TNRC18: variants seen among roughly 807,000 people sequenced by gnomAD.
TNRC18 encodes the protein trinucleotide repeat-containing gene 18 protein.
Under a neutral mutation model 226.7 loss-of-function variants are expected in TNRC18, and 69 were observed. That is an observed-to-expected ratio of 0.30 (90% CI 0.25 to 0.37). The LOEUF is 0.37. Ranked by LOEUF, TNRC18 falls within the 10% of genes least tolerant of loss-of-function variation. The probability of loss-of-function intolerance (pLI) is 1.00; values close to 1 mark genes in which losing one functional copy is unlikely to be tolerated. For synonymous variants in TNRC18, 2,449 were observed against 1,927.6 expected, an observed-to-expected ratio of 1.27 and a Z score of -7.09; for missense variants, 4,754 against 4,256.6, an observed-to-expected ratio of 1.12 and a Z score of -3.25.
chr7:5,364,089 GCAGTTTTGAGAC>G (rs1188795426), intron 11 of TNRC18, among the ~76,000 whole-genome samples: 1 of 152,158 alleles, frequency 6.6e-6, no homozygotes, highest in African/African-American at 2.4e-5. Flanking sequence ...TTTGAGGTGA[GCAGTTTTGAGAC>G]CAGTCTGGCC....
At chr7:5,422,577 A>G (rs1413897190) in intron 1 of TNRC18, among the ~76,000 whole-genome samples, 1 of 152,122 alleles carries the variant, frequency 6.6e-6, no homozygotes, top group Non-Finnish European at 1.5e-5. Flanking sequence ...CTCTCTTAAG[A>G]GAAGCCGATC....
intron 18 of TNRC18, among the ~76,000 whole-genome samples, chr7:5,333,508 G>A (rs1468191950): frequency 1.3e-5 from 2 of 152,076 alleles, no homozygotes; most frequent in African/African-American, 4.8e-5. Context: ...CCCAGGAATC[G>A]TCCACTCCCA....
intron 2 of TNRC18, among the ~76,000 whole-genome samples, chr7:5,411,242 A>G (rs1186092734): frequency 1.3e-5 from 2 of 151,676 alleles, no homozygotes; most frequent in East Asian, 1.9e-4. Flanking sequence ...AAGAAAAAAG[A>G]AAAGGAAGGG....
chr7:5,345,421 G>C (rs1209643601), intron 18 of TNRC18, 141 bp downstream of exon 18: 4 of 822,600 alleles, frequency 4.9e-6, no homozygotes, highest in Non-Finnish European at 5.6e-6. Flanking sequence ...TCAGCACGGG[G>C]CTGGCCCACG....
At chr7:5,320,923 C>A in intron 22 of TNRC18, 150 bp downstream of exon 22, 1 of 655,582 alleles carries the variant, frequency 1.5e-6, no homozygotes, top group Non-Finnish European at 2.6e-6. Flanking sequence ...CAGGGCCTCC[C>A]CGTCAGCTCT....
intron 2 of TNRC18, among the ~76,000 whole-genome samples, chr7:5,416,410 G>A (rs556375792): frequency 3.3e-5 from 5 of 152,082 alleles, no homozygotes; most frequent in Non-Finnish European, 7.4e-5. Context: ...GCGAGACTCC[G>A]TCTCAAAAAA....
chr7:5,401,122 C>T (rs913186897), intron 2 of TNRC18, among the ~76,000 whole-genome samples: 3 of 151,636 alleles, frequency 2.0e-5, no homozygotes, highest in African/African-American at 4.9e-5. Flanking sequence ...GTGACTCACC[C>T]ACCATGTCTG....
chr7:5,369,920 G>A (rs1465820298), intron 11 of TNRC18, among the ~76,000 whole-genome samples: 3 of 152,100 alleles, frequency 2.0e-5, no homozygotes, highest in Non-Finnish European at 2.9e-5. Flanking sequence ...GCTCGAGATG[G>A]AACATTTTGT....
chr7:5,313,317 A>C lies in TNRC18; in HGVS notation c.7574T>G (p.Leu2525Arg). Residue 2525 changes from leucine (L) to arginine (R), a missense_variant, in exon 27 of 30, where the codon CTC becomes CGC. By Grantham distance (102) the Leu-to-Arg change is moderately radical. Coordinates refer to ENST00000430969, the MANE Select transcript of TNRC18 (RefSeq NM_001080495.3). Reference protein sequence around the residue: ...APWPKATDGDLAQEPGPGLTF... With the variant: ...APWPKATDGDRAQEPGPGLTF... The stretch of plus-strand genomic sequence containing the variant: ...GAGCCCCGGCCCGGGCTCCTGGGCG[A>C]GGTCCCCGTCGGTGGCCTTGGGCCA... 4 of 1,549,866 alleles carry C rather than the reference A, an allele frequency of 2.6e-6. No homozygotes were observed. The highest frequency in any genetic ancestry group is 3.5e-6 in the Non-Finnish European group (4 of 1,147,502).
chr7:5,390,254 A>G (rs1160572401), intron 4 of TNRC18: 2 of 555,770 alleles, frequency 3.6e-6, no homozygotes, highest in African/African-American at 1.9e-5. Context: ...AGTCCCAGCT[A>G]CTTGGGGGGC....
chr7:5,389,340 C>G lies in TNRC18; in HGVS notation c.488-4G>C. On this transcript the variant is annotated splice_polypyrimidine_tract_variant and splice_region_variant and intron_variant, in intron 4 of 29. Transcript: ENST00000430969. ...GCGGTGGGCAGGTAGAAACCGTCTG[C>G]GGAGAAGGGAACAGCAGGCAGTGAG... 7.8e-7 allele frequency: 1 copy of G among 1,274,832 alleles called. No homozygotes were observed. Among genetic ancestry groups the G allele is most frequent in the Non-Finnish European group, 9.9e-7 (1 of 1,011,016 alleles). 79.0% of individuals were successfully genotyped at this position (1,274,832 alleles called of 1,614,324 possible). A position where few individuals can be genotyped will look rare whatever the true frequency, so the allele number is the denominator to read the frequency against.
At chr7:5,393,880 ATT>A (rs1159253065) in intron 3 of TNRC18, among the ~76,000 whole-genome samples, 1 of 151,806 alleles carries the variant, frequency 6.6e-6, no homozygotes, top group Non-Finnish European at 1.5e-5. Context: ...GCTCTGGGAA[ATT>A]TTTTTTGTGG....
chr7:5,389,433 C>T, intron 4 of TNRC18, 97 bp from the exon 5 acceptor site: 1 of 1,137,790 alleles, frequency 8.8e-7, no homozygotes, highest in Non-Finnish European at 1.1e-6. Flanking sequence ...ATGGACCAAC[C>T]CATGCCTCCC....
chr7:5,370,339 A>G (rs755751639), intron 11 of TNRC18, 36 bp downstream of exon 11: 2 of 1,514,086 alleles, frequency 1.3e-6, no homozygotes, highest in Non-Finnish European at 8.8e-7. Flanking sequence ...ACTAAAACTC[A>G]CGAATCTGCA....
intron 8 of TNRC18, among the ~76,000 whole-genome samples, 195 bp from the exon 9 acceptor site, chr7:5,376,419 C>T (rs974965099): frequency 4.6e-5 from 7 of 152,092 alleles, no homozygotes; most frequent in African/African-American, 9.7e-5. Flanking sequence ...ACCCCAGGCC[C>T]GGGGAACACA....
chr7:5,349,501 G>A (rs546722497), intron 17 of TNRC18, among the ~76,000 whole-genome samples: 2 of 152,340 alleles, frequency 1.3e-5, no homozygotes, highest in Admixed American at 6.5e-5. Flanking sequence ...ACAGGTTGGT[G>A]GTAAATGTCA....
chr7:5,322,099 G>A (rs917549484), intron 21 of TNRC18, among the ~76,000 whole-genome samples: 2 of 151,978 alleles, frequency 1.3e-5, no homozygotes, highest in South Asian at 2.1e-4. Context: ...CTAACATGGT[G>A]AAACCCTGTC....
At chr7:5,409,557 C>G (rs1413899403) in intron 2 of TNRC18, among the ~76,000 whole-genome samples, 2 of 151,644 alleles carry the variant, frequency 1.3e-5, no homozygotes, top group East Asian at 3.9e-4. Context: ...CCACTGAACT[C>G]CAGCCCCAGT....
intron 29 of TNRC18, 150 bp from the exon 30 acceptor site, chr7:5,308,462 G>A: frequency 2.8e-6 from 2 of 723,154 alleles, no homozygotes; most frequent in Non-Finnish European, 4.6e-6. Context: ...GTAAGAGACA[G>A]ACCAACAAAA....
Sources: gnomAD v4.1 joint callset for allele counts (sites outside exome capture counted in the v4.1 genomes callset) on GRCh38, gnomAD v4.1.1 for gene constraint, MANE v1.5 for transcripts, NCBI Gene and HGNC (gene_info 2026-07-23, HGNC 2026-07-21) for gene names.